Variants in ZNF469 observed in about 807,000 individuals in gnomAD.
The protein encoded by ZNF469 is zinc finger protein 469.
Under a neutral mutation model 1.0 loss-of-function variants are expected in ZNF469, and 1 was observed. The observed-to-expected ratio is 1.00, with a 90% CI of 0.35 to 4.73. The LOEUF (loss-of-function observed/expected upper bound fraction) is 4.73, where lower values mean the gene tolerates loss of function less well. Among genes scored for constraint, ZNF469 ranks in the 30% most tolerant of loss-of-function variants. ZNF469 has a pLI of 0.16. For missense variants in ZNF469, 6,100 were observed against 5,356.3 expected, an observed-to-expected ratio of 1.14 and a Z score of -4.33; for synonymous variants, 2,703 against 2,363.4, an observed-to-expected ratio of 1.14 and a Z score of -4.17.
At chr16:88,201,145 T>C in the ZNF469 span, among the ~76,000 whole-genome samples, 21 of 152,334 alleles carry the variant, frequency 1.4e-4, no homozygotes, top group African/African-American at 4.8e-4. The surrounding 1 kb of genome is among the most constrained non-coding windows in gnomAD (Gnocchi z 5.0). Flanking sequence ...CGTGCTTCAG[T>C]TTACCTGTCC....
chr16:88,147,380 C>T, the ZNF469 span, among the ~76,000 whole-genome samples: 1 of 152,052 alleles, frequency 6.6e-6, no homozygotes, highest in East Asian at 1.9e-4. Flanking sequence ...GTTGTTTTAG[C>T]CACAGAGACT....
the ZNF469 span, among the ~76,000 whole-genome samples, chr16:88,197,759 G>A: frequency 3.9e-5 from 6 of 152,212 alleles, no homozygotes; most frequent in Non-Finnish European, 5.9e-5. Flanking sequence ...CCACTTCTAC[G>A]TTTGCACCTG....
the ZNF469 span, among the ~76,000 whole-genome samples, chr16:88,362,232 A>G: frequency 0.54 from 81,484 of 151,978 alleles, 23,317 homozygotes; most frequent in East Asian, 0.77. Flanking sequence ...CCAATGGTAT[A>G]CAATTGTAAG....
chr16:88,351,998 C>T, the ZNF469 span, among the ~76,000 whole-genome samples: 6 of 152,186 alleles, frequency 3.9e-5, no homozygotes, highest in South Asian at 4.1e-4. Flanking sequence ...ACGCTCACCA[C>T]GACACAGAGA....
chr16:88,342,663 G>A, the ZNF469 span, among the ~76,000 whole-genome samples: 2 of 152,196 alleles, frequency 1.3e-5, no homozygotes, highest in Non-Finnish European at 2.9e-5. Flanking sequence ...TGTAACTTGG[G>A]GACAGACCAT....
At chr16:88,197,047 T>A in the ZNF469 span, among the ~76,000 whole-genome samples, 2 of 152,206 alleles carry the variant, frequency 1.3e-5, no homozygotes, top group African/African-American at 4.8e-5. Context: ...TCCATCAGTG[T>A]TGGTCACTGA....
At chr16:88,209,352 G>A in the ZNF469 span, among the ~76,000 whole-genome samples, 42,387 of 150,918 alleles carry the variant, frequency 0.28, 6,092 homozygotes, top group Non-Finnish European at 0.31. Context: ...GTGCAGTGGC[G>A]CGACCTTGAC....
At chr16:88,278,982 C>A in the ZNF469 span, among the ~76,000 whole-genome samples, 1 of 151,358 alleles carries the variant, frequency 6.6e-6, no homozygotes, top group Non-Finnish European at 1.5e-5. Flanking sequence ...AGTGGTGTGC[C>A]ACGCTGACAC....
the ZNF469 span, among the ~76,000 whole-genome samples, chr16:88,332,950 A>T: frequency 6.6e-6 from 1 of 152,120 alleles, no homozygotes. Flanking sequence ...TGTCAGAGCC[A>T]CCGAGCTGTG....
Position 88,438,135 on chromosome 16 carries a change from G to C in ZNF469, c.10665G>C (p.Leu3555=). ...SNHQECPPPS[L]SPFPAALADG... ...ACCAGGAGTGTCCCCCGCCGTCTCT[G>C]TCTCCCTTCCCAGCTGCCTTGGCTG... The change falls in exon 3 of 3, where the codon CTG becomes CTC. Residue 3555 remains leucine (L), a synonymous_variant. Coordinates refer to ENST00000565624, the MANE Select transcript of ZNF469 (RefSeq NM_001367624.2). The C allele has an allele frequency of 6.4e-7, 1 of 1,550,394 alleles. No individual in the cohort carries two copies. The highest frequency in any genetic ancestry group is 8.7e-7 in the Non-Finnish European group (1 of 1,146,970).
chr16:88,376,299 GA>G, the ZNF469 span, among the ~76,000 whole-genome samples: 2 of 152,128 alleles, frequency 1.3e-5, no homozygotes, highest in African/African-American at 2.4e-5. Flanking sequence ...ATAATTACAG[GA>G]AAAAAAATGA....
chr16:88,398,503 G>T (rs530763917), intron 1 of ZNF469, among the ~76,000 whole-genome samples: 1 of 151,626 alleles, frequency 6.6e-6, no homozygotes, highest in South Asian at 2.1e-4. Context: ...TGTGAGCCAT[G>T]GACAAGAGGA....
intron 2 of ZNF469, among the ~76,000 whole-genome samples, chr16:88,426,533 T>C (rs1905708835): frequency 6.6e-6 from 1 of 152,268 alleles, no homozygotes; most frequent in African/African-American, 2.4e-5. Context: ...CAGGCTCCTC[T>C]GGGCAAGCGG....
At position 88,428,813 on chromosome 16, in the gene ZNF469, A is replaced by T. The variant is rs1459596430; in HGVS notation, c.1343A>T (p.Tyr448Phe). ...CTGTGGGACCCCACAGCAGCCCCTT[A>T]CCCCACACCTCCTGGGGGCCCCCTG... Reference protein sequence around the residue: ...PQLWDPTAAPYPTPPGGPLAA... With the variant: ...PQLWDPTAAPFPTPPGGPLAA... The change falls in exon 3 of 3, where the codon TAC becomes TTC. Residue 448 changes from tyrosine to phenylalanine, a missense_variant. Physicochemically the swap from Tyr to Phe is conservative, Grantham distance 22. Coordinates refer to ENST00000565624, the MANE Select transcript of ZNF469 (RefSeq NM_001367624.2). 8.4e-6 allele frequency: 13 copies of T among 1,546,132 alleles called. No individual in the cohort carries two copies.
At chr16:88,149,310 C>T in the ZNF469 span, among the ~76,000 whole-genome samples, 9 of 152,178 alleles carry the variant, frequency 5.9e-5, no homozygotes, top group African/African-American at 2.2e-4. Flanking sequence ...GAGATAATTC[C>T]CCTGGTGAGT....
At chr16:88,370,101 C>T in the ZNF469 span, among the ~76,000 whole-genome samples, 1 of 152,256 alleles carries the variant, frequency 6.6e-6, no homozygotes, top group Admixed American at 6.5e-5. Flanking sequence ...GCCTTTCTGA[C>T]CGCTGTCTGT....
At chr16:88,417,804 G>A (rs1166757537) in intron 1 of ZNF469, among the ~76,000 whole-genome samples, 1 of 152,218 alleles carries the variant, frequency 6.6e-6, no homozygotes, top group East Asian at 1.9e-4. Flanking sequence ...CTATAGAAAT[G>A]AGGCCCCAAA....
At chr16:88,196,148 A>G in the ZNF469 span, among the ~76,000 whole-genome samples, 1 of 152,144 alleles carries the variant, frequency 6.6e-6, no homozygotes, top group Non-Finnish European at 1.5e-5. Flanking sequence ...AGGCCTAGAG[A>G]GAGGCATGGC....
chr16:88,228,906 G>T, the ZNF469 span, among the ~76,000 whole-genome samples: 113,239 of 152,054 alleles, frequency 0.74, 44,111 homozygotes, highest in Middle Eastern at 0.88. Flanking sequence ...GTGAGGCAAT[G>T]TGGGGGCTCA....
Sources: allele counts gnomAD v4.1 joint callset (sites outside exome capture counted in the v4.1 genomes callset), GRCh38; gene constraint gnomAD v4.1.1; non-coding constraint Gnocchi (gnomAD v3.1); transcripts MANE v1.5; gene names NCBI Gene and HGNC (gene_info 2026-07-23, HGNC 2026-07-21).